Variants in NBEA observed in about 807,000 individuals in gnomAD.
The protein encoded by NBEA is lysosomal-trafficking regulator 2.
A neutral mutation model predicts 343.4 loss-of-function variants in NBEA; 44 were observed. The ratio of observed to expected loss-of-function variants is 0.13; its 90% confidence interval spans 0.10 to 0.16. The LOEUF (loss-of-function observed/expected upper bound fraction) is 0.16. NBEA is among the 10% of genes least tolerant of loss of function. The pLI, the probability that NBEA is intolerant of heterozygous loss-of-function variation, is 1.00. For missense variants in NBEA, 2,555 were observed against 3,631.3 expected, an observed-to-expected ratio of 0.70 and a Z score of 7.62; for synonymous variants, 1,175 against 1,238.7, an observed-to-expected ratio of 0.95 and a Z score of 1.08.
intron 53 of NBEA, among the ~76,000 whole-genome samples, chr13:35,652,640 C>G (rs75598404): frequency 1.2e-5 from 1 of 81,260 alleles, no homozygotes; most frequent in African/African-American, 4.8e-5. Flanking sequence ...GACTCCATCT[C>G]AAAAAAAAAA....
intron 31 of NBEA, among the ~76,000 whole-genome samples, chr13:35,202,547 A>G (rs1446107900): frequency 6.6e-6 from 1 of 152,190 alleles, no homozygotes; most frequent in Non-Finnish European, 1.5e-5. Context: ...GTACACAGAT[A>G]AGATAGTATC....
chr13:35,623,090 G>A (rs910276896), intron 48 of NBEA, among the ~76,000 whole-genome samples: 3 of 152,112 alleles, frequency 2.0e-5, no homozygotes, highest in Admixed American at 6.5e-5. Flanking sequence ...TAGGCTTAAC[G>A]CAATTGCTTC....
intron 34 of NBEA, chr13:35,251,308 A>C (rs901399284): frequency 4.8e-6 from 4 of 831,560 alleles, no homozygotes; most frequent in African/African-American, 1.9e-5. Context: ...ATCCCTGTGC[A>C]TCCGCTTCCA....
At chr13:35,488,649 G>A (rs2076390029) in intron 41 of NBEA, among the ~76,000 whole-genome samples, 1 of 151,840 alleles carries the variant, frequency 6.6e-6, no homozygotes, top group African/African-American at 2.4e-5. Context: ...AATAACAAGA[G>A]TTTCTAAATA....
rs533180141 is a variant in NBEA at position 35,117,440 on chromosome 13, A to C, written c.2029A>C (p.Ile677Leu). ...LDGPRPSQKE[I>L]ISLRAFMLLF... is the part of the protein sequence containing the mutation. ...TGGTCCCCGGCCATCACAAAAAGAA[A>C]TTATATCACTGAGGGCATTTATGCT... is the stretch of plus-strand genomic sequence containing the variant. The change falls in exon 14 of 59, where the codon ATT becomes CTT. Residue 677 changes from isoleucine (I) to leucine (L), a missense_variant. Physicochemically the swap from Ile to Leu is conservative, Grantham distance 5 (BLOSUM62 2). This residue lies in a region of NBEA where 360 missense variants were observed against 519.1 expected (regional missense o/e 0.69). Coordinates refer to ENST00000379939, the MANE Select transcript of NBEA (RefSeq NM_001385012.1). The C allele has an allele frequency of 1.4e-6, 2 of 1,382,638 alleles. No individual in the cohort carries two copies. The highest frequency in any genetic ancestry group is 2.9e-5 in the African/African-American group (2 of 68,040). The allele number at this position is 1,382,638 out of a possible 1,614,324, so 85.6% of individuals were successfully genotyped here. A position where few individuals can be genotyped will look rare whatever the true frequency, so the allele number is the denominator to read the frequency against.
At chr13:35,668,594 T>C in intron 58 of NBEA, 75 bp downstream of exon 58, 2 of 1,397,866 alleles carry the variant, frequency 1.4e-6, no homozygotes, top group Non-Finnish European at 1.9e-6. Flanking sequence ...CAAGGGTGAA[T>C]TGTGCTGTGA....
Position 34,984,960 on chromosome 13 carries a change from A to G in NBEA, c.294+41846A>G, listed in dbSNP as rs568430365. Among the ~76,000 whole-genome samples the G allele has an allele frequency of 2.5e-4, 38 of 150,982 alleles. 4 individuals carry two copies. Among genetic ancestry groups the G allele is most frequent in the Non-Finnish European group, 4.9e-4 (33 of 67,396 alleles). The stretch of plus-strand genomic sequence containing the variant: ...TGGGCTGAGATGATGGGGTTTTCTA[A>G]ATATACAATCATGTCATCTGCAAAC... On this transcript the variant is annotated intron_variant, in intron 1 of 58. Coordinates refer to ENST00000379939, the MANE Select transcript of NBEA (RefSeq NM_001385012.1).
chr13:35,043,027 C>T (rs936797066), intron 2 of NBEA, among the ~76,000 whole-genome samples: 9 of 151,672 alleles, frequency 5.9e-5, no homozygotes, highest in African/African-American at 2.2e-4. Flanking sequence ...TAAAAAAAAT[C>T]ATTTCTAATT....
chr13:35,082,204 G>A (rs2064447874), intron 10 of NBEA, among the ~76,000 whole-genome samples: 1 of 152,040 alleles, frequency 6.6e-6, no homozygotes, highest in Admixed American at 6.6e-5. Flanking sequence ...AGCTGAGAAT[G>A]ATGGTTTCCA....
rs1393514231 is a variant in NBEA, at chr13:35,523,022, G to A, written c.6586-27455G>A. Among the ~76,000 whole-genome samples the A allele has an allele frequency of 2.0e-5, 3 of 152,312 alleles. No individual in the cohort carries two copies. In the East Asian group the frequency reaches 5.8e-4, roughly 29 times the overall value. On this transcript the variant is annotated intron_variant, in intron 41 of 58. Transcript: ENST00000379939. ...CAGGATTAGCCACCAGTTGGACGTA[G>A]AAAGGAAATGACAAGAATATTTACA... is the stretch of plus-strand genomic sequence containing the variant.
rs201088855 is a variant in NBEA at position 35,592,866 on chromosome 13, T to TGTAA, written c.7177-462_7177-461insGTAA. 0.024 allele frequency: 249 copies of TGTAA among 10,556 alleles called. 5 individuals carry two copies. In the East Asian group the frequency reaches 0.48, roughly 21 times the overall value. The allele number at this position is 10,556 out of a possible 1,614,324, so 0.7% of individuals were successfully genotyped here. Reference sequence around the variant, plus strand: ...TACTTTCGTAGTCTTTCACAGGTAATCATGGACATTCTCTACCTAATTCCA... The same window carrying TGTAA: ...TACTTTCGTAGTCTTTCACAGGTAATGTAACATGGACATTCTCTACCTAATTCCA... On this transcript the variant is annotated intron_variant, in intron 46 of 58. Coordinates refer to ENST00000379939, the MANE Select transcript of NBEA (RefSeq NM_001385012.1).
At position 35,439,785 on chromosome 13, in the gene NBEA, T is replaced by C. The variant is rs556709739; in HGVS notation, c.6304+7392T>C. On this transcript the variant is annotated intron_variant, in intron 39 of 58. Transcript: ENST00000379939. The stretch of plus-strand genomic sequence containing the variant: ...TTTAGAAAAAAAAAGAATCAGATCT[T>C]CTATCAGTTCTATTTGGAACATTCA... 2.6e-5 allele frequency among the ~76,000 whole-genome samples: 4 copies of C among 152,230 alleles called. No individual in the cohort carries two copies. In the South Asian group the frequency reaches 6.2e-4, roughly 24 times the overall value.
At chr13:35,048,930 C>G (rs2062962335) in intron 5 of NBEA, among the ~76,000 whole-genome samples, 1 of 151,800 alleles carries the variant, frequency 6.6e-6, no homozygotes, top group African/African-American at 2.4e-5. Context: ...GTCAAAGGTA[C>G]AGACTTTCTG....
At chr13:35,059,739 A>G (rs182552174) in intron 8 of NBEA, among the ~76,000 whole-genome samples, 148 of 135,652 alleles carry the variant, frequency 1.1e-3, no homozygotes, top group African/African-American at 3.6e-3. Flanking sequence ...TTCTCTTTGT[A>G]TGTCATATAT....
intron 1 of NBEA, among the ~76,000 whole-genome samples, chr13:34,958,472 C>T (rs2152489351): frequency 6.7e-6 from 1 of 150,044 alleles, no homozygotes; most frequent in Non-Finnish European, 1.5e-5. Flanking sequence ...CTGGTAAAGT[C>T]AGGCCTGTTA....
chr13:35,631,900 T>A (rs1160075604), intron 49 of NBEA, among the ~76,000 whole-genome samples: 1 of 152,216 alleles, frequency 6.6e-6, no homozygotes, highest in African/African-American at 2.4e-5. Context: ...GAGAAAATTA[T>A]GACAGCTTAA....
intron 1 of NBEA, among the ~76,000 whole-genome samples, chr13:35,010,726 C>CAAAAAAAAAAAAAAA (rs769896169): frequency 1.0e-4 from 1 of 9,686 alleles, no homozygotes; most frequent in African/African-American, 3.1e-4. Flanking sequence ...TGGGTCTCTA[C>CAAAAAAAAAAAAAAA]AAAAAAAAAA....
intron 47 of NBEA, among the ~76,000 whole-genome samples, chr13:35,603,234 A>G (rs2082135985): frequency 6.6e-6 from 1 of 152,130 alleles, no homozygotes. Flanking sequence ...AACTTCATCC[A>G]ATATCTTTAA....
chr13:35,153,036 C>CTTTT (rs1170584559), intron 18 of NBEA, among the ~76,000 whole-genome samples: 44 of 123,336 alleles, frequency 3.6e-4, no homozygotes, highest in African/African-American at 1.0e-3. Flanking sequence ...TACATAGGTT[C>CTTTT]TTTTTTTTTT....
Sources: gnomAD v4.1 joint callset for allele counts (sites outside exome capture counted in the v4.1 genomes callset) on GRCh38, gnomAD v4.1.1 for gene constraint, gnomAD v4.1.1 regional missense constraint, MANE v1.5 for transcripts, NCBI Gene and HGNC (gene_info 2026-07-23, HGNC 2026-07-21) for gene names.